Variants in COL3A1 observed in about 807,000 individuals in gnomAD.
The protein encoded by COL3A1 is collagen alpha-1(III) chain.
A neutral mutation model predicts 200.9 loss-of-function variants in COL3A1; 46 were observed. The observed-to-expected ratio is 0.23, with a 90% CI of 0.18 to 0.29. The LOEUF (loss-of-function observed/expected upper bound fraction) is 0.29. Among genes scored for constraint, COL3A1 ranks in the 10% least tolerant of loss-of-function variants. The pLI, the probability that COL3A1 is intolerant of heterozygous loss-of-function variation, is 1.00. For missense variants in COL3A1, 1,367 were observed against 1,917.6 expected (o/e 0.71, Z 5.36); for synonymous variants, 650 against 628.0 (o/e 1.03, Z -0.52).
chr2:189,007,643 T>C, intron 45 of COL3A1, 36 bp downstream of exon 45: 1 of 1,536,654 alleles, frequency 6.5e-7, no homozygotes, highest in Non-Finnish European at 8.9e-7. Flanking sequence ...ATCCCTTCAA[T>C]GTATACAAAT....
chr2:188,989,799 C>A (rs1020855564), intron 8 of COL3A1, among the ~76,000 whole-genome samples: 2 of 152,050 alleles, frequency 1.3e-5, no homozygotes, highest in African/African-American at 4.8e-5. Flanking sequence ...GTTATAGATA[C>A]CTTCAATTCA....
intron 15 of COL3A1, 63 bp from the exon 16 acceptor site, chr2:188,993,298 G>T: frequency 1.5e-6 from 2 of 1,350,492 alleles, no homozygotes; most frequent in South Asian, 1.3e-5. Context: ...AGGACTGAAG[G>T]GTGAAGTGGC....
Position 188,992,238 on chromosome 2 carries a change from T to A in COL3A1, c.996+10T>A, listed in dbSNP as rs369957068. The A allele has an allele frequency of 1.7e-5, 27 of 1,613,272 alleles. No individual in the cohort carries two copies. The highest frequency in any genetic ancestry group is 3.3e-5 in the Admixed American group (2 of 59,984). Reference sequence around the variant, plus strand: ...CAGTGATGGTCAACCAGTAAGTAACTTTCTATCTCTTATGTGTTGTAGGGT... The same window carrying A: ...CAGTGATGGTCAACCAGTAAGTAACATTCTATCTCTTATGTGTTGTAGGGT... On this transcript the variant is annotated intron_variant, in intron 14 of 50. Transcript: ENST00000304636.
At position 189,010,908 on chromosome 2, in the gene COL3A1, C is replaced by T. The variant is rs1189622205; in HGVS notation, c.4254+18C>T. On this transcript the variant is annotated intron_variant, in intron 50 of 50. Transcript: ENST00000304636. ...GTTGCACGGTAGGAAACATTTTTCT[C>T]AATATAGGTCATAAAGCAGTCAGCA... is the stretch of plus-strand genomic sequence containing the variant. The T allele has an allele frequency of 6.8e-6, 11 of 1,613,652 alleles. No homozygotes were observed. The South Asian group carries it at 9.9e-5, about 15-fold the overall frequency.
chr2:188,995,201 T>C (rs1688279585), intron 21 of COL3A1, 102 bp downstream of exon 21: 4 of 1,147,762 alleles, frequency 3.5e-6, no homozygotes, highest in Non-Finnish European at 5.1e-6. Flanking sequence ...CTGAAGAATA[T>C]ATATTAGAGT....
Position 188,985,233 on chromosome 2 carries a change from C to G in COL3A1, c.319C>G (p.Pro107Ala). The G allele has an allele frequency of 6.2e-7, 1 of 1,611,458 alleles. No individual in the cohort carries two copies. The highest frequency in any genetic ancestry group is 8.5e-7 in the Non-Finnish European group (1 of 1,177,990). ...RPPNGQGPQG[P>A]KGDPGPPGIP... is the part of the protein sequence containing the mutation. ...TCCTAATGGTCAAGGACCTCAAGGC[C>G]CCAAGGGAGATCCAGTAAGTAAACA... Residue 107 changes from proline (P) to alanine (A), a missense_variant, in exon 3 of 51, where the codon CCC becomes GCC. This residue lies in a region of COL3A1 where 462 missense variants were observed against 681.4 expected (regional missense o/e 0.68). Transcript: ENST00000304636.
chr2:188,999,375 G>T lies in COL3A1; in HGVS notation c.2113G>T (p.Gly705Ter). The T allele has an allele frequency of 6.2e-7, 1 of 1,610,786 alleles. No homozygotes were observed. Residue 705 changes from glycine to a stop codon, truncating the protein, a stop_gained, in exon 30 of 51, where the codon GGA becomes TGA. Transcript: ENST00000304636. LOFTEE classifies it high-confidence loss of function. Reference sequence around the variant, plus strand: ...TGGAGCTGGTCCCCCTGGTCCCGAAGGAGGAAAGGTAACTCCACAGCATTC... The same window carrying T: ...TGGAGCTGGTCCCCCTGGTCCCGAATGAGGAAAGGTAACTCCACAGCATTC... ...RGGAGPPGPE[G>*]GKGAAGPPGP...
intron 1 of COL3A1, 30 bp downstream of exon 1, chr2:188,974,598 A>G (rs768995992): frequency 5.1e-6 from 8 of 1,583,316 alleles, no homozygotes; most frequent in Admixed American, 1.7e-5. Flanking sequence ...AAGAAACTTT[A>G]TGGGATTTTT....
At chr2:188,993,496 C>T in intron 16 of COL3A1, 37 bp downstream of exon 16, 1 of 1,410,366 alleles carries the variant, frequency 7.1e-7, no homozygotes, top group Non-Finnish European at 9.7e-7. Flanking sequence ...AGCATAGTTT[C>T]ATGCTTACTC....
At position 189,004,051 on chromosome 2, in the gene COL3A1, A is replaced by G; in HGVS notation, c.2731A>G (p.Thr911Ala). The change falls in exon 39 of 51, where the codon ACT becomes GCT. Residue 911 changes from threonine to alanine, a missense_variant. By Grantham distance (58) the Thr-to-Ala change is moderately conservative. This residue lies in a region of COL3A1 where 846 missense variants were observed against 1,147.9 expected (regional missense o/e 0.74). Coordinates refer to ENST00000304636, the MANE Select transcript of COL3A1 (RefSeq NM_000090.4). ...KDGPPGPAGN[T>A]GAPGSPGVSG... ...TGGGCCCCCAGGTCCTGCGGGTAAC[A>G]CTGGTGCTCCTGGCAGCCCTGGAGT... The G allele has an allele frequency of 6.2e-7, 1 of 1,613,284 alleles. No individual in the cohort carries two copies.
intron 43 of COL3A1, 31 bp from the exon 44 acceptor site, chr2:189,006,906 A>G (rs373740066): frequency 3.7e-6 from 6 of 1,611,442 alleles, no homozygotes; most frequent in Non-Finnish European, 4.2e-6. Flanking sequence ...AGTTCCGTGT[A>G]TGTCTTCTCA....
intron 1 of COL3A1, among the ~76,000 whole-genome samples, chr2:188,980,423 CTTTTAGACAATTCTA>C (rs1559051178): frequency 1.2e-4 from 2 of 16,404 alleles, no homozygotes; most frequent in Non-Finnish European, 2.8e-4. Flanking sequence ...AAAGATTAAT[CTTTTAGACAATTCTA>C]AAAGATTAAT....
Position 188,996,305 on chromosome 2 carries a change from T to TACAC in COL3A1, c.1663-73_1663-70dup, listed in dbSNP as rs141685938. On this transcript the variant is annotated intron_variant, in intron 23 of 50. Coordinates refer to ENST00000304636, the MANE Select transcript of COL3A1 (RefSeq NM_000090.4). ...ATATGTATATGTATATCTATATATA[T>TACAC]ACACACACACACACACACACACATA... is the stretch of plus-strand genomic sequence containing the variant. 3,468 of 632,764 alleles carry TACAC rather than the reference T, an allele frequency of 5.5e-3. 13 individuals are homozygous for TACAC. Among genetic ancestry groups the TACAC allele is most frequent in the African/African-American group, 0.026 (1,269 of 49,514 alleles). The allele number at this position is 632,764 out of a possible 1,614,324, so 39.2% of individuals were successfully genotyped here.
Position 188,996,272 on chromosome 2 carries a change from A to G in COL3A1, c.1662+94A>G, listed in dbSNP as rs1040194083. On this transcript the variant is annotated intron_variant, in intron 23 of 50. Transcript: ENST00000304636. ...TGAGTGTGTGTGTGTGTGTGTGTGTATATATATATATGTATATGTATATCT... is the reference window on the plus strand; with the variant it reads ...TGAGTGTGTGTGTGTGTGTGTGTGTGTATATATATATGTATATGTATATCT... 3.6e-3 allele frequency: 2,588 copies of G among 715,464 alleles called. 38 individuals carry two copies. The African/African-American group carries it at 0.049, about 14-fold the overall frequency. 44.3% of individuals were successfully genotyped at this position (715,464 alleles called of 1,614,324 possible). A position where few individuals can be genotyped will look rare whatever the true frequency, so the allele number is the denominator to read the frequency against.
At chr2:188,997,597 A>G (rs1576467284) in intron 26 of COL3A1, 103 bp from the exon 27 acceptor site, 1 of 1,280,966 alleles carries the variant, frequency 7.8e-7, no homozygotes, top group Non-Finnish European at 1.1e-6. Context: ...CCTTTTCTTC[A>G]CATCACTACT....
intron 49 of COL3A1, 116 bp from the exon 50 acceptor site, chr2:189,010,532 C>G: frequency 1.3e-6 from 2 of 1,499,552 alleles, no homozygotes; most frequent in South Asian, 1.2e-5. Flanking sequence ...ATAAAATACT[C>G]GTACATAAAA....
chr2:188,993,348 G>A lies in COL3A1; in HGVS notation c.1051-13G>A, dbSNP rs371934572. ...TGGTAAGAGAAACTGACTACACAAG[G>A]TTTTACCATTAGGGTGAAGTTGGAC... is the stretch of plus-strand genomic sequence containing the variant. On this transcript the variant is annotated splice_polypyrimidine_tract_variant and intron_variant, in intron 15 of 50. Transcript: ENST00000304636. 1.8e-4 allele frequency: 276 copies of A among 1,559,370 alleles called. 1 individual carries two copies. In the African/African-American group the frequency reaches 3.5e-3, roughly 20 times the overall value.
At chr2:188,991,792 T>TA in intron 13 of COL3A1, 70 bp downstream of exon 13, 1 of 1,512,550 alleles carries the variant, frequency 6.6e-7, no homozygotes, top group Non-Finnish European at 9.2e-7. Flanking sequence ...CAGTAAAGTT[T>TA]CAGGCTGTAA....
chr2:188,977,829 T>G (rs573077434), intron 1 of COL3A1, among the ~76,000 whole-genome samples: 10 of 152,152 alleles, frequency 6.6e-5, no homozygotes, highest in Admixed American at 6.5e-4. Flanking sequence ...TTTCTAAAGG[T>G]GAAAAAAGAA....
Sources: allele counts gnomAD v4.1 joint callset (sites outside exome capture counted in the v4.1 genomes callset), GRCh38; gene constraint gnomAD v4.1.1; regional missense constraint gnomAD v4.1.1; transcripts MANE v1.5; gene names NCBI Gene and HGNC (gene_info 2026-07-23, HGNC 2026-07-21).